Variants in PPIL1 observed in about 807,000 individuals in gnomAD.
The protein encoded by PPIL1 is peptidylprolyl isomerase like 1, also known as peptidyl-prolyl cis-trans isomerase-like 1.
In PPIL1, 14 loss-of-function variants were observed where a neutral mutation model predicts 19.4. The ratio of observed to expected loss-of-function variants is 0.72; its 90% confidence interval spans 0.48 to 1.13. PPIL1 has a LOEUF of 1.13. Ranked by LOEUF, PPIL1 falls within the 50% of genes most tolerant of loss-of-function variation. The probability of loss-of-function intolerance (pLI) is 0.00; values close to 1 mark genes in which losing one functional copy is unlikely to be tolerated. For missense variants in PPIL1, 192 were observed against 218.0 expected (o/e 0.88, Z 0.75); for synonymous variants, 72 against 73.6 (o/e 0.98, Z 0.11).
chr6:36,859,283 G>A (rs1251446450), intron 2 of PPIL1, among the ~76,000 whole-genome samples: 1 of 152,050 alleles, frequency 6.6e-6, no homozygotes, highest in African/African-American at 2.4e-5. Flanking sequence ...AAATTAGCCA[G>A]GCGTGGTGGC....
At chr6:36,857,654 A>G (rs9368966) in intron 2 of PPIL1, among the ~76,000 whole-genome samples, 75,300 of 151,890 alleles carry the variant, frequency 0.5, 19,343 homozygotes, top group East Asian at 0.66. Context: ...GTGGTAGCAC[A>G]TGCCTGTAGT....
intron 2 of PPIL1, chr6:36,858,662 T>A (rs943076868): frequency 2.6e-5 from 4 of 152,276 alleles, no homozygotes; most frequent in African/African-American, 9.6e-5. Flanking sequence ...GGGTGAATCC[T>A]AACAGACTAG....
chr6:36,861,275 G>T (rs1774283103), intron 2 of PPIL1, among the ~76,000 whole-genome samples: 1 of 152,070 alleles, frequency 6.6e-6, no homozygotes, highest in East Asian at 1.9e-4. Context: ...GAGACCTCTT[G>T]TGGTGTTTTA....
At chr6:36,856,559 C>A in intron 3 of PPIL1, 27 bp downstream of exon 3, 1 of 1,604,648 alleles carries the variant, frequency 6.2e-7, no homozygotes, top group Non-Finnish European at 8.5e-7. Flanking sequence ...CCCGTTCCTA[C>A]CCAGTCCAGC....
At chr6:36,872,211 GA>G (rs1251406449) in intron 1 of PPIL1, among the ~76,000 whole-genome samples, 1 of 150,886 alleles carries the variant, frequency 6.6e-6, no homozygotes, top group African/African-American at 2.4e-5. Context: ...CCTAAATTAG[GA>G]AAAAAATTCT....
intron 1 of PPIL1, 38 bp from the exon 2 acceptor site, chr6:36,871,910 A>G: frequency 6.5e-7 from 1 of 1,526,812 alleles, no homozygotes. Flanking sequence ...GTAAACAAAA[A>G]GGTCAGGGCA....
At chr6:36,858,585 A>AGG (rs1406881020) in intron 2 of PPIL1, 1 of 152,242 alleles carries the variant, frequency 6.6e-6, no homozygotes, top group Non-Finnish European at 1.5e-5. Context: ...GCTTCACCAC[A>AGG]GGGAGCCTGT....
rs80109713 is a variant in PPIL1, at chr6:36,863,494, C to G, written c.212-6840G>C. Among the ~76,000 whole-genome samples, 10 of 152,274 alleles carry G rather than the reference C, an allele frequency of 6.6e-5. No individual in the cohort carries two copies. The South Asian group carries it at 2.1e-3, about 32-fold the overall frequency. On this transcript the variant is annotated intron_variant, in intron 2 of 3. Transcript: ENST00000373699. ...AAGAACTCAGCAACTACAACCTCCC[C>G]CTCTAGTAGACCAATTTTTCTCTTT...
Position 36,855,610 on chromosome 6 carries a change from C to G in PPIL1, c.*203G>C, listed in dbSNP as rs976599333. ...AAACAGGGGCATTTGTGCAAATGCT[C>G]TGGCAACCTAGGCACTGGGGGAAGA... On this transcript the variant is annotated 3_prime_UTR_variant, in exon 4 of 4. Transcript: ENST00000373699. 1.3e-5 allele frequency: 8 copies of G among 594,326 alleles called. No homozygotes were observed. Among genetic ancestry groups the G allele is most frequent in the African/African-American group, 1.1e-4 (6 of 53,862 alleles). 36.8% of individuals were successfully genotyped at this position (594,326 alleles called of 1,614,324 possible).
In PPIL1 at chr6:36,855,725, T is replaced by TG. The variant is rs1774151301; in HGVS notation, c.*87dup. On this transcript the variant is annotated 3_prime_UTR_variant, in exon 4 of 4. Transcript: ENST00000373699. ...AGCTTCATGACTTGCAAAGCCAAAATGAATTTAGCATTACATGTCATTCTA... is the reference window on the plus strand; with the variant it reads ...AGCTTCATGACTTGCAAAGCCAAAATGGAATTTAGCATTACATGTCATTCTA... 13 of 1,298,170 alleles carry TG rather than the reference T, an allele frequency of 1.0e-5. No individual in the cohort carries two copies. Among genetic ancestry groups the TG allele is most frequent in the Non-Finnish European group, 6.5e-6 (6 of 919,806 alleles). The allele number at this position is 1,298,170 out of a possible 1,614,324, so 80.4% of individuals were successfully genotyped here. A position where few individuals can be genotyped will look rare whatever the true frequency, so the allele number is the denominator to read the frequency against.
At chr6:36,871,925 G>A in intron 1 of PPIL1, 53 bp from the exon 2 acceptor site, 2 of 1,458,354 alleles carry the variant, frequency 1.4e-6, no homozygotes, top group Non-Finnish European at 9.1e-7. Flanking sequence ...AGGGCAGACA[G>A]GAGTATTATG....
chr6:36,871,004 C>T (rs899772136), intron 2 of PPIL1, among the ~76,000 whole-genome samples: 2 of 152,194 alleles, frequency 1.3e-5, no homozygotes, highest in Admixed American at 1.3e-4. Flanking sequence ...TCACATCTTA[C>T]TCAGAATAAA....
chr6:36,874,181 A>T (rs2150663619), intron 1 of PPIL1, among the ~76,000 whole-genome samples: 1 of 152,340 alleles, frequency 6.6e-6, no homozygotes, highest in East Asian at 1.9e-4. Flanking sequence ...AGTTGCTAAG[A>T]TTAAACTAAA....
Position 36,871,697 on chromosome 6 carries a change from C to T in PPIL1, c.211+21G>A, listed in dbSNP as rs777567134. ...GGAGAAAAAAAAAAGAAAACATAAA[C>T]TAATGTTGGCTTAACTGTACCTGTC... is the stretch of plus-strand genomic sequence containing the variant. On this transcript the variant is annotated intron_variant, in intron 2 of 3. Coordinates refer to ENST00000373699, the MANE Select transcript of PPIL1 (RefSeq NM_016059.5). 7.7e-6 allele frequency: 12 copies of T among 1,559,910 alleles called. No homozygotes were observed. In the South Asian group the frequency reaches 1.5e-4, roughly 19 times the overall value.
At chr6:36,856,176 C>A in intron 3 of PPIL1, 143 bp from the exon 4 acceptor site, 1 of 803,966 alleles carries the variant, frequency 1.2e-6, no homozygotes, top group South Asian at 1.8e-5. Flanking sequence ...TCAGGGCAGT[C>A]TCTCTGCCCT....
chr6:36,861,397 T>C (rs967072414), intron 2 of PPIL1, among the ~76,000 whole-genome samples: 8 of 152,178 alleles, frequency 5.3e-5, no homozygotes, highest in Non-Finnish European at 7.4e-5. Flanking sequence ...ATACATACAG[T>C]CATCCCTTGG....
At chr6:36,866,908 A>T (rs1247343925) in intron 2 of PPIL1, among the ~76,000 whole-genome samples, 1 of 152,118 alleles carries the variant, frequency 6.6e-6, no homozygotes, top group Non-Finnish European at 1.5e-5. Flanking sequence ...GACCGAAGAG[A>T]CCTAATGCCA....
At chr6:36,861,006 T>C (rs1281420713) in intron 2 of PPIL1, among the ~76,000 whole-genome samples, 1 of 152,170 alleles carries the variant, frequency 6.6e-6, no homozygotes, top group Non-Finnish European at 1.5e-5. Flanking sequence ...TTTCTGGTGT[T>C]GATACTGAGG....
At chr6:36,861,321 T>C (rs1774283334) in intron 2 of PPIL1, among the ~76,000 whole-genome samples, 1 of 152,200 alleles carries the variant, frequency 6.6e-6, no homozygotes, top group African/African-American at 2.4e-5. Flanking sequence ...TAATTTCATG[T>C]TTACTGGCTT....
Sources: gnomAD v4.1 joint callset for allele counts (sites outside exome capture counted in the v4.1 genomes callset) on GRCh38, gnomAD v4.1.1 for gene constraint, MANE v1.5 for transcripts, NCBI Gene and HGNC (gene_info 2026-07-23, HGNC 2026-07-21) for gene names.